DPF3: variants seen among roughly 807,000 people sequenced by gnomAD.
DPF3 encodes the protein zinc finger protein DPF3.
In DPF3, 18 loss-of-function variants were observed where a neutral mutation model predicts 56.8. The observed-to-expected ratio is 0.32, with a 90% CI of 0.22 to 0.47. DPF3 has a LOEUF of 0.47. Among genes scored for constraint, DPF3 ranks in the 20% least tolerant of loss-of-function variants. The probability of loss-of-function intolerance (pLI) is 1.00; values close to 1 mark genes in which losing one functional copy is unlikely to be tolerated. For missense variants in DPF3, 403 were observed against 488.8 expected, an observed-to-expected ratio of 0.82 and a Z score of 1.65; for synonymous variants, 188 against 180.2, an observed-to-expected ratio of 1.04 and a Z score of -0.35.
intron 8 of DPF3, chr14:72,661,447 T>A: frequency 6.1e-5 from 60 of 985,356 alleles, no homozygotes; most frequent in Non-Finnish European, 7.2e-5. Flanking sequence ...ACTATTCGTG[T>A]GTTATTATGA....
chr14:72,779,733 C>G (rs554411935), intron 1 of DPF3, among the ~76,000 whole-genome samples: 1 of 152,388 alleles, frequency 6.6e-6, no homozygotes, highest in African/African-American at 2.4e-5. Flanking sequence ...AATAGCCATT[C>G]CTTTCTCCTT....
intron 6 of DPF3, among the ~76,000 whole-genome samples, chr14:72,701,218 C>A (rs944803054): frequency 6.6e-6 from 1 of 152,212 alleles, no homozygotes; most frequent in African/African-American, 2.4e-5. Context: ...ACCCCTGGGA[C>A]CAGTCAGCCC....
chr14:72,714,149 C>T (rs1174458317), intron 6 of DPF3, among the ~76,000 whole-genome samples: 1 of 152,198 alleles, frequency 6.6e-6, no homozygotes, highest in Non-Finnish European at 1.5e-5. Context: ...CGGAGGAGAG[C>T]CACACAGGAG....
intron 8 of DPF3, among the ~76,000 whole-genome samples, chr14:72,645,310 T>C (rs1007159245): frequency 2.0e-5 from 3 of 151,256 alleles, no homozygotes; most frequent in East Asian, 3.9e-4. Context: ...TTTTTTTTTT[T>C]CAGAGATAGG....
At chr14:72,824,852 G>A (rs945250738) in intron 1 of DPF3, among the ~76,000 whole-genome samples, 6 of 151,048 alleles carry the variant, frequency 4.0e-5, no homozygotes, top group African/African-American at 7.3e-5. Context: ...GATTACAGGC[G>A]TGAGCTACCA....
intron 1 of DPF3, among the ~76,000 whole-genome samples, chr14:72,795,295 A>AATATATATATATATATAT (rs71109748): frequency 1.9e-5 from 2 of 102,940 alleles, no homozygotes; most frequent in Non-Finnish European, 3.8e-5. Context: ...AAAAAAAAAA[A>AATATATATATATATATAT]ATATATATAT....
At chr14:72,886,053 CAA>C (rs1201729857) in intron 1 of DPF3, among the ~76,000 whole-genome samples, 1 of 152,094 alleles carries the variant, frequency 6.6e-6, no homozygotes. Flanking sequence ...TTAATGCATA[CAA>C]AGTTTCTCTC....
At chr14:72,639,755 C>T (rs1274420639) in intron 8 of DPF3, among the ~76,000 whole-genome samples, 1 of 152,038 alleles carries the variant, frequency 6.6e-6, no homozygotes, top group African/African-American at 2.4e-5. Context: ...CAGAGGCACC[C>T]AGATAAAACA....
rs1246752650 is a variant in DPF3, at chr14:72,880,005, C to T, written c.32+14052G>A. The T allele has an allele frequency of 5.6e-6, 8 of 1,424,640 alleles. No homozygotes were observed. The African/African-American group carries it at 1.0e-4, about 18-fold the overall frequency. 88.2% of individuals were successfully genotyped at this position (1,424,640 alleles called of 1,614,324 possible). A position where few individuals can be genotyped will look rare whatever the true frequency, so the allele number is the denominator to read the frequency against. On this transcript the variant is annotated intron_variant, in intron 1 of 10. Transcript: ENST00000556509. ...ACCCATCAAGACTGAGTAGCCTGCA[C>T]ACTAGACTGTGGTATAGAATCCAGT...
At chr14:72,676,027 G>A (rs1886892587) in intron 7 of DPF3, among the ~76,000 whole-genome samples, 1 of 152,104 alleles carries the variant, frequency 6.6e-6, no homozygotes, top group African/African-American at 2.4e-5. Flanking sequence ...TCCCTCAATT[G>A]CCATCTTAGT....
At chr14:72,659,006 A>G (rs1886131372) in intron 8 of DPF3, among the ~76,000 whole-genome samples, 1 of 139,976 alleles carries the variant, frequency 7.1e-6, no homozygotes, top group African/African-American at 2.9e-5. Flanking sequence ...CCTCCCTTGA[A>G]AAAAAAAAAG....
At chr14:72,841,984 G>A (rs781390149) in intron 1 of DPF3, among the ~76,000 whole-genome samples, 2 of 151,880 alleles carry the variant, frequency 1.3e-5, no homozygotes, top group African/African-American at 2.4e-5. Flanking sequence ...CTATTCAGGA[G>A]GCTGAGGTAG....
intron 1 of DPF3, among the ~76,000 whole-genome samples, chr14:72,803,724 C>A (rs993808213): frequency 1.3e-5 from 2 of 152,204 alleles, no homozygotes; most frequent in Non-Finnish European, 2.9e-5. Flanking sequence ...GAGTGAGCAT[C>A]CGATGATCGT....
chr14:72,791,639 C>CA (rs1469509690), intron 1 of DPF3, among the ~76,000 whole-genome samples: 3 of 152,232 alleles, frequency 2.0e-5, no homozygotes, highest in Admixed American at 6.5e-5. Flanking sequence ...ATCACAGCTT[C>CA]AAAATCACAA....
intron 8 of DPF3, among the ~76,000 whole-genome samples, chr14:72,641,185 G>A (rs1037936348): frequency 6.6e-6 from 1 of 152,140 alleles, no homozygotes; most frequent in Non-Finnish European, 1.5e-5. Flanking sequence ...AGTAGCAATG[G>A]GCCCTCATGC....
At chr14:72,809,673 C>A (rs1882950483) in intron 1 of DPF3, among the ~76,000 whole-genome samples, 1 of 152,206 alleles carries the variant, frequency 6.6e-6, no homozygotes, top group Non-Finnish European at 1.5e-5. Flanking sequence ...TGATTCTCAG[C>A]CCTGCTTGTC....
chr14:72,651,338 G>A (rs963784805), intron 8 of DPF3, among the ~76,000 whole-genome samples: 2 of 152,220 alleles, frequency 1.3e-5, no homozygotes, highest in Admixed American at 1.3e-4. Context: ...CTTCCGGAAG[G>A]ATGAATGCAC....
At position 72,617,198 on chromosome 14, in the gene DPF3, G is replaced by A. The variant is rs759400988; in HGVS notation, c.*2099C>T. 6.6e-6 allele frequency among the ~76,000 whole-genome samples: 1 copy of A among 152,212 alleles called. No individual in the cohort carries two copies. Among genetic ancestry groups the A allele is most frequent in the Non-Finnish European group, 1.5e-5 (1 of 68,042 alleles). Reference sequence around the variant, plus strand: ...AATTTGCACATACTCTGAAGAGGACGTGTGAAGTTGTAGAGCCACAGTTTG... The same window carrying A: ...AATTTGCACATACTCTGAAGAGGACATGTGAAGTTGTAGAGCCACAGTTTG... On this transcript the variant is annotated 3_prime_UTR_variant, in exon 11 of 11. Transcript: ENST00000556509.
At chr14:72,804,257 C>A (rs954954212) in intron 1 of DPF3, among the ~76,000 whole-genome samples, 8 of 151,812 alleles carry the variant, frequency 5.3e-5, no homozygotes, top group Admixed American at 1.3e-4. Flanking sequence ...CAGATCCACA[C>A]TGCGTGCCTC....
Sources: gnomAD v4.1 joint callset for allele counts (sites outside exome capture counted in the v4.1 genomes callset) on GRCh38, gnomAD v4.1.1 for gene constraint, MANE v1.5 for transcripts, NCBI Gene and HGNC (gene_info 2026-07-23, HGNC 2026-07-21) for gene names.